Variants in KDM4C observed in about 807,000 individuals in gnomAD.
The protein encoded by KDM4C is lysine demethylase 4C.
KDM4C carries 81 observed loss-of-function variants against 129.3 expected under a neutral mutation model. The observed-to-expected ratio is 0.63, with a 90% CI of 0.52 to 0.75. KDM4C has a LOEUF of 0.75. Ranked by LOEUF, KDM4C falls within the 30% of genes least tolerant of loss-of-function variation. The pLI is 0.00. For synonymous variants in KDM4C, 573 were observed against 456.1 expected (o/e 1.26, Z -3.26); for missense variants, 1,457 against 1,304.0 (o/e 1.12, Z -1.81).
chr9:7,085,448 G>A (rs1026408573), intron 17 of KDM4C, among the ~76,000 whole-genome samples: 2 of 152,162 alleles, frequency 1.3e-5, no homozygotes, highest in African/African-American at 2.4e-5. Context: ...ACAACAAAGA[G>A]GGAGAAAAAC....
chr9:7,118,849 T>A (rs901564556), intron 18 of KDM4C, among the ~76,000 whole-genome samples: 4 of 152,122 alleles, frequency 2.6e-5, no homozygotes, highest in African/African-American at 9.7e-5. Flanking sequence ...CCATGACTCA[T>A]CCTGCTAGAT....
chr9:6,804,439 C>CGCCATATTG (rs1189393307), intron 2 of KDM4C, among the ~76,000 whole-genome samples: 11 of 152,176 alleles, frequency 7.2e-5, no homozygotes, highest in African/African-American at 2.7e-4. Context: ...GCTGTGCTAT[C>CGCCATATTG]GCCATATTGT....
chr9:6,972,334 T>G (rs1832138539), intron 8 of KDM4C, among the ~76,000 whole-genome samples: 1 of 152,108 alleles, frequency 6.6e-6, no homozygotes. Flanking sequence ...ACACCTATTT[T>G]CTCTACCTAA....
At chr9:6,911,503 T>A (rs1819297476) in intron 8 of KDM4C, among the ~76,000 whole-genome samples, 1 of 152,206 alleles carries the variant, frequency 6.6e-6, no homozygotes, top group African/African-American at 2.4e-5. Flanking sequence ...GCTAGTACAT[T>A]AGTGAATTTT....
chr9:6,844,316 G>A (rs1004192224), intron 4 of KDM4C, among the ~76,000 whole-genome samples: 1 of 152,034 alleles, frequency 6.6e-6, no homozygotes, highest in African/African-American at 2.4e-5. Context: ...AATTAAATAT[G>A]TGTATTTTGA....
chr9:6,887,817 T>G (rs543872824), intron 6 of KDM4C, 143 bp from the exon 7 acceptor site: 94 of 544,956 alleles, frequency 1.7e-4, no homozygotes, highest in Admixed American at 1.1e-3. Context: ...ACTCTGAGTT[T>G]TAGTACAAGG....
intron 17 of KDM4C, among the ~76,000 whole-genome samples, chr9:7,068,200 A>T (rs575453268): frequency 6.6e-6 from 1 of 152,144 alleles, no homozygotes; most frequent in Non-Finnish European, 1.5e-5. Flanking sequence ...TATTGGTCTG[A>T]TATGCTGACA....
chr9:7,027,760 T>C (rs1219973231), intron 15 of KDM4C, among the ~76,000 whole-genome samples: 2 of 152,170 alleles, frequency 1.3e-5, no homozygotes, highest in Non-Finnish European at 2.9e-5. Flanking sequence ...TAGAAGTCTT[T>C]CTGGTGTTCT....
intron 1 of KDM4C, among the ~76,000 whole-genome samples, chr9:6,748,301 A>T (rs1241341012): frequency 2.0e-5 from 3 of 152,146 alleles, no homozygotes; most frequent in Admixed American, 6.5e-5. Flanking sequence ...TGAGGTCGGG[A>T]GTTCAAGACC....
At chr9:6,881,786 A>G (rs1018572721) in intron 6 of KDM4C, among the ~76,000 whole-genome samples, 5 of 152,196 alleles carry the variant, frequency 3.3e-5, no homozygotes, top group African/African-American at 1.2e-4. Flanking sequence ...AAGCAGGGAA[A>G]AGACCCTGCA....
intron 15 of KDM4C, among the ~76,000 whole-genome samples, chr9:7,017,127 A>G (rs961379358): frequency 2.0e-5 from 3 of 152,076 alleles, no homozygotes; most frequent in African/African-American, 7.2e-5. Context: ...TGTAGAGACA[A>G]GGTCTCACTA....
At chr9:6,961,623 C>G (rs1309889700) in intron 8 of KDM4C, among the ~76,000 whole-genome samples, 6 of 152,118 alleles carry the variant, frequency 3.9e-5, no homozygotes, top group African/African-American at 1.2e-4. Flanking sequence ...TATGACTTAA[C>G]TAAATTCAAA....
chr9:6,888,450 C>A (rs1845613623), intron 7 of KDM4C, among the ~76,000 whole-genome samples: 2 of 152,136 alleles, frequency 1.3e-5, no homozygotes, highest in Non-Finnish European at 2.9e-5. Context: ...ATTATGGTAG[C>A]ACTATGTTGC....
At chr9:6,978,468 C>G (rs1833304430) in intron 8 of KDM4C, among the ~76,000 whole-genome samples, 1 of 152,172 alleles carries the variant, frequency 6.6e-6, no homozygotes. Context: ...AGTAACAAAT[C>G]TTACGACACA....
intron 19 of KDM4C, among the ~76,000 whole-genome samples, chr9:7,132,475 C>CA (rs1840745202): frequency 1.3e-5 from 2 of 152,112 alleles, no homozygotes; most frequent in African/African-American, 4.8e-5. Flanking sequence ...AAAAAATGTG[C>CA]AAAAAATTCT....
chr9:6,908,550 T>G (rs1470513661), intron 8 of KDM4C, among the ~76,000 whole-genome samples: 1 of 151,890 alleles, frequency 6.6e-6, no homozygotes, highest in African/African-American at 2.4e-5. Context: ...CATGCTCCAT[T>G]TAGCCACGGA....
At chr9:7,056,622 G>A (rs1251408840) in intron 17 of KDM4C, among the ~76,000 whole-genome samples, 3 of 152,174 alleles carry the variant, frequency 2.0e-5, no homozygotes, top group African/African-American at 7.2e-5. Context: ...GAGAAAAACT[G>A]TGAGACAAAA....
At chr9:7,003,781 T>G (rs1640180565) in intron 12 of KDM4C, among the ~76,000 whole-genome samples, 1 of 152,224 alleles carries the variant, frequency 6.6e-6, no homozygotes. Context: ...TTATAAATGT[T>G]TGAAGGTCAG....
chr9:7,062,630 T>A (rs1416909701), intron 17 of KDM4C, among the ~76,000 whole-genome samples: 1 of 152,022 alleles, frequency 6.6e-6, no homozygotes, highest in African/African-American at 2.4e-5. Context: ...GTGATCCTCC[T>A]ACCTTAGCCT....
Sources: gnomAD v4.1 joint callset for allele counts (sites outside exome capture counted in the v4.1 genomes callset) on GRCh38, gnomAD v4.1.1 for gene constraint, MANE v1.5 for transcripts, NCBI Gene and HGNC (gene_info 2026-07-23, HGNC 2026-07-21) for gene names.